Variants in UPF2 observed in about 807,000 individuals in gnomAD.
UPF2 encodes regulator of nonsense transcripts 2.
Under a neutral mutation model 141.4 loss-of-function variants are expected in UPF2, and 17 were observed. That is an observed-to-expected ratio of 0.12 (90% confidence interval 0.08 to 0.18). UPF2 has a LOEUF of 0.18. Ranked by LOEUF, UPF2 falls within the 10% of genes least tolerant of loss-of-function variation. The pLI, the probability that UPF2 is intolerant of heterozygous loss-of-function variation, is 1.00. For missense variants in UPF2, 1,152 were observed against 1,515.9 expected, an observed-to-expected ratio of 0.76 and a Z score of 3.99; for synonymous variants, 540 against 498.0, an observed-to-expected ratio of 1.08 and a Z score of -1.12.
intron 11 of UPF2, among the ~76,000 whole-genome samples, chr10:11,963,138 T>C (rs1478937373): frequency 6.6e-6 from 1 of 152,136 alleles, no homozygotes; most frequent in Non-Finnish European, 1.5e-5. Context: ...GGGAGACCTT[T>C]GCTACTCTCA....
At chr10:12,033,654 C>T (rs1189013776) in intron 2 of UPF2, among the ~76,000 whole-genome samples, 1 of 151,902 alleles carries the variant, frequency 6.6e-6, no homozygotes, top group African/African-American at 2.4e-5. Flanking sequence ...GGTAAGTTGC[C>T]CTCTTAAATT....
In UPF2 at chr10:12,014,202, C is replaced by A; in HGVS notation, c.1146-18G>T. ...GAATGCGCCTATAAACAAATGAAAT[C>A]ATCTGACAGTCTTATCAAAATAGAT... On this transcript the variant is annotated intron_variant, in intron 3 of 21. Coordinates refer to ENST00000357604, the MANE Select transcript of UPF2 (RefSeq NM_015542.4). The surrounding 1 kb of genome is among the most constrained non-coding windows in gnomAD (Gnocchi z 5.0). 1 of 1,379,334 alleles carries A rather than the reference C, an allele frequency of 7.2e-7. No homozygotes were observed. The highest frequency in any genetic ancestry group is 9.5e-7 in the Non-Finnish European group (1 of 1,052,568). The allele number at this position is 1,379,334 out of a possible 1,614,324, so 85.4% of individuals were successfully genotyped here.
At chr10:11,976,039 G>C (rs187280804) in intron 9 of UPF2, among the ~76,000 whole-genome samples, 1 of 152,258 alleles carries the variant, frequency 6.6e-6, no homozygotes, top group African/African-American at 2.4e-5. Flanking sequence ...TTGAAATCTA[G>C]TGCCAAACAG....
chr10:12,042,926 G>C (rs1834766500), upstream of UPF2: 1 of 152,162 alleles, frequency 6.6e-6, no homozygotes, highest in Non-Finnish European at 1.5e-5. The surrounding 1 kb of genome is among the most constrained non-coding windows in gnomAD (Gnocchi z 5.5). Flanking sequence ...GCGCGGCCGG[G>C]CTGAGAGTGG....
chr10:12,013,903 T>A, intron 4 of UPF2, 121 bp downstream of exon 4: 3 of 1,057,082 alleles, frequency 2.8e-6, no homozygotes, highest in Non-Finnish European at 3.7e-6. Context: ...CTTGGCCCAT[T>A]TTGAAAATGT....
chr10:11,976,164 T>A (rs1833504073), intron 9 of UPF2, among the ~76,000 whole-genome samples: 1 of 152,218 alleles, frequency 6.6e-6, no homozygotes, highest in African/African-American at 2.4e-5. Flanking sequence ...TTTCCTTAAC[T>A]GCCAGTGACA....
chr10:11,941,394 CAT>C (rs1256763692), intron 18 of UPF2, among the ~76,000 whole-genome samples: 2 of 152,142 alleles, frequency 1.3e-5, no homozygotes, highest in African/African-American at 4.8e-5. Context: ...TATATGAAGA[CAT>C]GTTATTTTAA....
rs1448185175 is a variant in UPF2, at chr10:11,980,693, A to G, written c.1845-1528T>C. 6.6e-6 allele frequency among the ~76,000 whole-genome samples: 1 copy of G among 152,154 alleles called. No individual in the cohort carries two copies. The highest frequency in any genetic ancestry group is 6.6e-5 in the Admixed American group (1 of 15,260). On this transcript the variant is annotated intron_variant, in intron 8 of 21. Transcript: ENST00000357604. This position sits in a 1 kb window ranked among gnomAD's most constrained non-coding sequence, Gnocchi z 4.2. ...GGTTGCAGTGAGCTGAGATCACACC[A>G]TTGCAATCCAGCCTGGGCAACAAGA... is the stretch of plus-strand genomic sequence containing the variant.
Position 12,035,089 on chromosome 10 carries a change from T to C in UPF2, c.335A>G (p.Gln112Arg). ...CTGAGCAGCTGCTTCTTCTTCTTGC[T>C]GACGTTTGGCCTGCTCTTCTTGCTT... is the stretch of plus-strand genomic sequence containing the variant. ...RKKQEEQAKRQQEEEAAAQMK... is the reference protein window; with the variant it reads ...RKKQEEQAKRRQEEEAAAQMK... The change falls in exon 2 of 22, where the codon CAG becomes CGG. Residue 112 changes from glutamine to arginine, a missense_variant. Around this residue, in one of 4 missense-constraint regions of UPF2, gnomAD observed 145 missense variants for 136.5 expected, o/e 1.06. Transcript: ENST00000357604. 2 of 1,574,050 alleles carry C rather than the reference T, an allele frequency of 1.3e-6. No individual in the cohort carries two copies. Among genetic ancestry groups the C allele is most frequent in the Non-Finnish European group, 1.7e-6 (2 of 1,169,914 alleles).
chr10:11,986,230 G>A (rs961218348), intron 8 of UPF2, among the ~76,000 whole-genome samples: 2 of 152,086 alleles, frequency 1.3e-5, no homozygotes, highest in African/African-American at 2.4e-5. Context: ...ATAAGATGGC[G>A]AAAATTACGT....
intron 8 of UPF2, among the ~76,000 whole-genome samples, chr10:11,993,725 C>A (rs1178376703): frequency 1.3e-5 from 2 of 152,026 alleles, no homozygotes; most frequent in Admixed American, 1.3e-4. Context: ...GTAATCCCTG[C>A]ACTTTCGGAG....
intron 10 of UPF2, among the ~76,000 whole-genome samples, chr10:11,965,027 T>C (rs1454569657): frequency 2.0e-5 from 3 of 152,228 alleles, no homozygotes; most frequent in African/African-American, 7.2e-5. Flanking sequence ...CCACATGAAG[T>C]CAGGTGACAT....
intron 5 of UPF2, among the ~76,000 whole-genome samples, chr10:12,004,327 G>T (rs547482481): frequency 6.6e-6 from 1 of 152,246 alleles, no homozygotes; most frequent in Non-Finnish European, 1.5e-5. Flanking sequence ...TAACTTAAAT[G>T]TATCAGCACT....
In UPF2 at chr10:11,975,171, G is replaced by A. The variant is rs559888043; in HGVS notation, c.1953+3886C>T. Among the ~76,000 whole-genome samples the A allele has an allele frequency of 6.6e-5, 10 of 152,274 alleles. No individual in the cohort carries two copies. In the East Asian group the frequency reaches 1.9e-3, roughly 29 times the overall value. Reference sequence around the variant, plus strand: ...AGTTACTTGGGAGGCTAAAACAGGAGGATTGCGTGAGTCCAGAAGTTTGAG... The same window carrying A: ...AGTTACTTGGGAGGCTAAAACAGGAAGATTGCGTGAGTCCAGAAGTTTGAG... On this transcript the variant is annotated intron_variant, in intron 9 of 21. Coordinates refer to ENST00000357604, the MANE Select transcript of UPF2 (RefSeq NM_015542.4).
Position 11,998,231 on chromosome 10 carries a change from T to A in UPF2, c.1759-474A>T, listed in dbSNP as rs1833895068. Among the ~76,000 whole-genome samples the A allele has an allele frequency of 6.6e-6, 1 of 152,136 alleles. No individual in the cohort carries two copies. The highest frequency in any genetic ancestry group is 2.4e-5 in the African/African-American group (1 of 41,430). On this transcript the variant is annotated intron_variant, in intron 7 of 21. Coordinates refer to ENST00000357604, the MANE Select transcript of UPF2 (RefSeq NM_015542.4). This position sits in a 1 kb window ranked among gnomAD's most constrained non-coding sequence, Gnocchi z 4.5. ...AAGGTCTCTCTGACCAACCCTTGTTTCTCTTCACAAGTGCAGGAAATGGCG... is the reference window on the plus strand; with the variant it reads ...AAGGTCTCTCTGACCAACCCTTGTTACTCTTCACAAGTGCAGGAAATGGCG...
chr10:11,938,860 T>TTTTTTTTG (rs1832893230), intron 18 of UPF2, among the ~76,000 whole-genome samples: 1 of 71,356 alleles, frequency 1.4e-5, no homozygotes, highest in African/African-American at 5.8e-5. Context: ...TTTGTTTTTT[T>TTTTTTTTG]TTTTTTTTTT....
intron 14 of UPF2, among the ~76,000 whole-genome samples, chr10:11,954,599 A>G (rs918822198): frequency 6.8e-6 from 1 of 148,030 alleles, no homozygotes; most frequent in Non-Finnish European, 1.5e-5. Context: ...GCACCACTGC[A>G]CTCCAGCCTG....
chr10:11,956,955 G>A lies in UPF2; in HGVS notation c.2371-432C>T, dbSNP rs1833161629. ...CCCACCTCAGTCCCCCAAATAGACT[G>A]GACTACAGGCATGCAATAGCATGCC... On this transcript the variant is annotated intron_variant, in intron 12 of 21. Coordinates refer to ENST00000357604, the MANE Select transcript of UPF2 (RefSeq NM_015542.4). This position sits in a 1 kb window ranked among gnomAD's most constrained non-coding sequence, Gnocchi z 4.2. Among the ~76,000 whole-genome samples the A allele has an allele frequency of 6.6e-6, 1 of 152,114 alleles. No individual in the cohort carries two copies. Among genetic ancestry groups the A allele is most frequent in the African/African-American group, 2.4e-5 (1 of 41,416 alleles).
rs1834604360 is a variant in UPF2 at position 12,035,282 on chromosome 10, CCTT to C, written c.139_141del (p.Lys47del). ...TTGTCTTCAGGGGCCTTGCTGACCT[CCTT>C]CTTGGCAGTGAGCTTGATATCGTCT... On this transcript the variant is annotated inframe_deletion, in exon 2 of 22. Coordinates refer to ENST00000357604, the MANE Select transcript of UPF2 (RefSeq NM_015542.4). 1 of 1,613,974 alleles carries C rather than the reference CCTT, an allele frequency of 6.2e-7. No homozygotes were observed. The highest frequency in any genetic ancestry group is 1.3e-5 in the African/African-American group (1 of 74,856).
Sources: allele counts gnomAD v4.1 joint callset (sites outside exome capture counted in the v4.1 genomes callset), GRCh38; gene constraint gnomAD v4.1.1; regional missense constraint gnomAD v4.1.1; non-coding constraint Gnocchi (gnomAD v3.1); transcripts MANE v1.5; gene names NCBI Gene and HGNC (gene_info 2026-07-23, HGNC 2026-07-21).